The following NPTN variants were observed in gnomAD, a reference collection of about 807,000 sequenced individuals.
NPTN encodes the protein SDR-1.
A neutral mutation model predicts 42.7 loss-of-function variants in NPTN; 5 were observed. The ratio of observed to expected loss-of-function variants is 0.12; its 90% CI spans 0.06 to 0.25. The LOEUF is 0.25. NPTN is among the 10% of genes least tolerant of loss of function. The pLI is 1.00. For synonymous variants in NPTN, 180 were observed against 201.9 expected (o/e 0.89, Z 0.92); for missense variants, 307 against 525.4 (o/e 0.58, Z 4.06).
chr15:73,604,516 T>C (rs991798275), intron 1 of NPTN, among the ~76,000 whole-genome samples: 1 of 152,182 alleles, frequency 6.6e-6, no homozygotes, highest in Non-Finnish European at 1.5e-5. Flanking sequence ...AACCAAAGTT[T>C]TGCATATTTC....
At chr15:73,604,427 G>A (rs2141422817) in intron 1 of NPTN, among the ~76,000 whole-genome samples, 1 of 152,312 alleles carries the variant, frequency 6.6e-6, no homozygotes, top group South Asian at 2.1e-4. Context: ...TTGCACTCCA[G>A]CCTGAACGAC....
intron 6 of NPTN, among the ~76,000 whole-genome samples, chr15:73,564,316 C>T (rs1894854714): frequency 6.6e-6 from 1 of 152,116 alleles, no homozygotes; most frequent in Non-Finnish European, 1.5e-5. Flanking sequence ...GGGCTTGGTG[C>T]ACATGAAGCA....
chr15:73,613,707 A>G (rs1185493732), intron 1 of NPTN, among the ~76,000 whole-genome samples: 1 of 151,750 alleles, frequency 6.6e-6, no homozygotes, highest in Non-Finnish European at 1.5e-5. Context: ...TTTTTTTGAG[A>G]CAGAGTCTCG....
intron 8 of NPTN, among the ~76,000 whole-genome samples, chr15:73,561,544 G>A (rs968463023): frequency 1.3e-5 from 2 of 152,124 alleles, no homozygotes; most frequent in African/African-American, 4.8e-5. Context: ...GCTGGGCATG[G>A]TGGTGGGCAG....
chr15:73,562,609 A>G (rs1595889246), intron 7 of NPTN, among the ~76,000 whole-genome samples: 1 of 152,260 alleles, frequency 6.6e-6, no homozygotes, highest in South Asian at 2.1e-4. Context: ...ACTCTAGGAG[A>G]TTCTGCCGAT....
At chr15:73,602,520 G>A (rs550468621) in intron 1 of NPTN, among the ~76,000 whole-genome samples, 9 of 152,204 alleles carry the variant, frequency 5.9e-5, no homozygotes, top group Non-Finnish European at 1.3e-4. Flanking sequence ...ATGTCTAAAG[G>A]ACCCTTAACT....
chr15:73,627,351 A>G (rs1223281419), intron 1 of NPTN, among the ~76,000 whole-genome samples: 1 of 152,246 alleles, frequency 6.6e-6, no homozygotes, highest in African/African-American at 2.4e-5. Flanking sequence ...TGTTTCAGAA[A>G]TGCAAGAGAA....
At chr15:73,563,440 G>C in intron 6 of NPTN, 183 bp from the exon 7 acceptor site, 1 of 1,393,244 alleles carries the variant, frequency 7.2e-7, no homozygotes, top group Non-Finnish European at 9.3e-7. Flanking sequence ...ATTATTTCTA[G>C]ATTCAAGTTT....
At chr15:73,592,916 T>G (rs923657878) in intron 2 of NPTN, among the ~76,000 whole-genome samples, 7 of 152,296 alleles carry the variant, frequency 4.6e-5, no homozygotes, top group East Asian at 3.9e-4. Context: ...TGAATCCCAC[T>G]CTTTTTTTAA....
At chr15:73,610,953 T>TTAG (rs1441062974) in intron 1 of NPTN, among the ~76,000 whole-genome samples, 3 of 152,212 alleles carry the variant, frequency 2.0e-5, no homozygotes, top group Non-Finnish European at 2.9e-5. Context: ...TCAGCAGAAC[T>TTAG]TTACTGAGTC....
At chr15:73,608,810 T>C (rs1897412071) in intron 1 of NPTN, among the ~76,000 whole-genome samples, 1 of 152,160 alleles carries the variant, frequency 6.6e-6, no homozygotes, top group African/African-American at 2.4e-5. Context: ...ACATGAGAAA[T>C]GTTTACAAGA....
At position 73,560,028 on chromosome 15, in the gene NPTN, G is replaced by A; in HGVS notation, c.*1035C>T. 2 of 1,046,150 alleles carry A rather than the reference G, an allele frequency of 1.9e-6. No individual in the cohort carries two copies. The highest frequency in any genetic ancestry group is 3.4e-5 in the Admixed American group (1 of 29,246). 64.8% of individuals were successfully genotyped at this position (1,046,150 alleles called of 1,614,324 possible). ...TATTATCCAAACACCTTTTATCAAT[G>A]TTTTATTTTTAAAAACAGGTGAATC... On this transcript the variant is annotated 3_prime_UTR_variant, in exon 9 of 9. Transcript: ENST00000345330.
At chr15:73,612,189 C>A (rs1249008563) in intron 1 of NPTN, among the ~76,000 whole-genome samples, 2 of 151,990 alleles carry the variant, frequency 1.3e-5, no homozygotes, top group Non-Finnish European at 2.9e-5. Flanking sequence ...AAGGCCAAGG[C>A]AGGAGGATCG....
intron 1 of NPTN, among the ~76,000 whole-genome samples, chr15:73,618,027 G>A (rs1897944352): frequency 1.3e-5 from 2 of 152,288 alleles, no homozygotes; most frequent in South Asian, 4.1e-4. Context: ...TGCTCCATGG[G>A]CAGACATTTC....
At chr15:73,601,630 G>A (rs1006920131) in intron 1 of NPTN, among the ~76,000 whole-genome samples, 3 of 152,192 alleles carry the variant, frequency 2.0e-5, no homozygotes, top group South Asian at 2.1e-4. Context: ...TCTAGGTCAA[G>A]GGTCATCCAA....
At chr15:73,617,662 CAGAT>C (rs1020190279) in intron 1 of NPTN, among the ~76,000 whole-genome samples, 18 of 152,300 alleles carry the variant, frequency 1.2e-4, no homozygotes, top group African/African-American at 3.9e-4. Context: ...CTGTGACAAA[CAGAT>C]AGTGTTGCAG....
chr15:73,587,654 T>G (rs1413422203), intron 3 of NPTN, 36 bp from the exon 4 acceptor site: 1 of 1,430,706 alleles, frequency 7.0e-7, no homozygotes, highest in Admixed American at 1.7e-5. Flanking sequence ...GTGAGGAAAC[T>G]GGGAACGGTC....
At chr15:73,617,884 G>GT (rs919837502) in intron 1 of NPTN, among the ~76,000 whole-genome samples, 3 of 152,116 alleles carry the variant, frequency 2.0e-5, no homozygotes, top group African/African-American at 4.8e-5. Flanking sequence ...CTCTACTGGT[G>GT]TTTTTTTCTC....
intron 4 of NPTN, among the ~76,000 whole-genome samples, chr15:73,583,908 T>G (rs1385521976): frequency 6.6e-6 from 1 of 152,238 alleles, no homozygotes; most frequent in Admixed American, 6.5e-5. Context: ...CACACTGCCT[T>G]AGCCAGTCTG....
Sources: gnomAD v4.1 joint callset for allele counts (sites outside exome capture counted in the v4.1 genomes callset) on GRCh38, gnomAD v4.1.1 for gene constraint, MANE v1.5 for transcripts, NCBI Gene and HGNC (gene_info 2026-07-23, HGNC 2026-07-21) for gene names.